Variants in SNTB1 observed in about 807,000 individuals in gnomAD.
SNTB1 encodes syntrophin beta 1, also known as beta-1-syntrophin.
Under a neutral mutation model 48.9 loss-of-function variants are expected in SNTB1, and 36 were observed. That is an observed-to-expected ratio of 0.74 (90% confidence interval 0.56 to 0.97). The LOEUF (loss-of-function observed/expected upper bound fraction) is 0.97. SNTB1 is among the 50% of genes least tolerant of loss of function. The pLI, the probability that SNTB1 is intolerant of heterozygous loss-of-function variation, is 0.00. For missense variants in SNTB1, 786 were observed against 703.4 expected (o/e 1.12, Z -1.33); for synonymous variants, 299 against 294.6 (o/e 1.01, Z -0.15).
intron 3 of SNTB1, among the ~76,000 whole-genome samples, chr8:120,620,007 C>T (rs1816768356): frequency 6.6e-6 from 1 of 152,128 alleles, no homozygotes; most frequent in Admixed American, 6.5e-5. Context: ...AGTTCTGAGC[C>T]ATTTGGTAAA....
At position 120,575,126 on chromosome 8, in the gene SNTB1, A is replaced by G. The variant is rs373881265; in HGVS notation, c.1096T>C (p.Trp366Arg). 1.3e-5 allele frequency: 21 copies of G among 1,614,076 alleles called. No homozygotes were observed. The highest frequency in any genetic ancestry group is 5.3e-5 in the African/African-American group (4 of 74,932). Reference sequence around the variant, plus strand: ...GGGTATGTGTGAACTGGGCTGAACCAGGCTTCCTTCCTCCGTGGCATGCTG... The same window carrying G: ...GGGTATGTGTGAACTGGGCTGAACCGGGCTTCCTTCCTCCGTGGCATGCTG... ...YDSMPRRKEA[W>R]FSPVHTYPLL... Residue 366 changes from tryptophan (W) to arginine (R), a missense_variant, in exon 4 of 7, where the codon TGG (tryptophan) becomes CGG (arginine). Transcript: ENST00000517992.
intron 1 of SNTB1, among the ~76,000 whole-genome samples, chr8:120,791,103 A>C (rs1403414021): frequency 6.6e-6 from 1 of 151,954 alleles, no homozygotes; most frequent in Non-Finnish European, 1.5e-5. Context: ...TGCTGGTATG[A>C]AAGTAGACAC....
intron 1 of SNTB1, among the ~76,000 whole-genome samples, chr8:120,718,083 A>C (rs896671949): frequency 5.3e-5 from 8 of 152,158 alleles, no homozygotes; most frequent in Admixed American, 2.0e-4. Flanking sequence ...GGCCAAGGGG[A>C]TAGGCCCAAT....
intron 3 of SNTB1, among the ~76,000 whole-genome samples, chr8:120,620,606 A>T (rs1275761039): frequency 6.6e-6 from 1 of 152,066 alleles, no homozygotes; most frequent in Non-Finnish European, 1.5e-5. Context: ...GTTTGAATTC[A>T]ACAGCTAATA....
intron 2 of SNTB1, among the ~76,000 whole-genome samples, chr8:120,658,839 A>C (rs1470668245): frequency 3.3e-5 from 5 of 152,152 alleles, no homozygotes; most frequent in Non-Finnish European, 7.3e-5. Context: ...TTTTCGCAAA[A>C]TATTTCTTTG....
chr8:120,584,664 C>T (rs1051363392), intron 3 of SNTB1, among the ~76,000 whole-genome samples: 17 of 152,076 alleles, frequency 1.1e-4, no homozygotes, highest in African/African-American at 3.9e-4. Context: ...AAACTGTGTT[C>T]CCCCAAATTC....
intron 2 of SNTB1, among the ~76,000 whole-genome samples, chr8:120,680,907 G>A (rs373264388): frequency 3.3e-5 from 5 of 151,770 alleles, no homozygotes; most frequent in African/African-American, 7.3e-5. Flanking sequence ...TACGGACATG[G>A]GCTAAAATGA....
At chr8:120,723,632 G>A (rs953311680) in intron 1 of SNTB1, among the ~76,000 whole-genome samples, 1 of 152,148 alleles carries the variant, frequency 6.6e-6, no homozygotes, top group Non-Finnish European at 1.5e-5. Context: ...TCACCAGTTA[G>A]GTGCACTGGT....
chr8:120,751,911 A>G (rs1021407100), intron 1 of SNTB1, among the ~76,000 whole-genome samples: 6 of 152,182 alleles, frequency 3.9e-5, no homozygotes, highest in Admixed American at 3.3e-4. Context: ...GGCTGAAAGC[A>G]GTTAATGGAA....
chr8:120,809,042 T>C (rs1249271282), intron 1 of SNTB1, among the ~76,000 whole-genome samples: 2 of 152,204 alleles, frequency 1.3e-5, no homozygotes, highest in African/African-American at 4.8e-5. Context: ...TACGAAGAAG[T>C]AGGTATGTCT....
chr8:120,607,419 A>T (rs915607842), intron 3 of SNTB1, among the ~76,000 whole-genome samples: 8 of 123,294 alleles, frequency 6.5e-5, no homozygotes, highest in Non-Finnish European at 1.2e-4. Flanking sequence ...TTTTTAAAAA[A>T]GTATACTTTA....
chr8:120,701,172 G>A (rs1818304088), intron 1 of SNTB1, among the ~76,000 whole-genome samples: 1 of 152,266 alleles, frequency 6.6e-6, no homozygotes, highest in South Asian at 2.1e-4. Flanking sequence ...TGCAGAGAGA[G>A]ATCATCAATA....
At chr8:120,594,173 C>T (rs888029732) in intron 3 of SNTB1, among the ~76,000 whole-genome samples, 1 of 151,958 alleles carries the variant, frequency 6.6e-6, no homozygotes, top group Admixed American at 6.6e-5. Context: ...AAGTGATCCT[C>T]CCCCCTCAGC....
chr8:120,554,706 G>A (rs1586991990), intron 4 of SNTB1, among the ~76,000 whole-genome samples: 2 of 152,058 alleles, frequency 1.3e-5, no homozygotes, highest in Admixed American at 1.3e-4. Flanking sequence ...CCTAATGCCC[G>A]CAGGCTATAG....
chr8:120,693,614 C>A, intron 2 of SNTB1, 78 bp downstream of exon 2: 1 of 1,200,728 alleles, frequency 8.3e-7, no homozygotes, highest in Non-Finnish European at 1.2e-6. Flanking sequence ...AACATGAGGG[C>A]AATCTCGTGA....
intron 1 of SNTB1, among the ~76,000 whole-genome samples, chr8:120,717,324 G>A (rs967348596): frequency 6.6e-6 from 1 of 152,122 alleles, no homozygotes; most frequent in African/African-American, 2.4e-5. Flanking sequence ...CCACTCAAAT[G>A]GGCCGCTGTA....
At chr8:120,720,271 T>C (rs1162747653) in intron 1 of SNTB1, among the ~76,000 whole-genome samples, 1 of 152,242 alleles carries the variant, frequency 6.6e-6, no homozygotes, top group African/African-American at 2.4e-5. Flanking sequence ...CCTTGGCCCC[T>C]GTCTGAAGGC....
intron 2 of SNTB1, among the ~76,000 whole-genome samples, chr8:120,649,262 G>T (rs544437274): frequency 5.1e-4 from 77 of 151,580 alleles, no homozygotes; most frequent in South Asian, 2.5e-3. Flanking sequence ...AGAGTTTCCA[G>T]TTTTCCTGTT....
At chr8:120,803,324 A>G (rs1248869727) in intron 1 of SNTB1, among the ~76,000 whole-genome samples, 2 of 152,048 alleles carry the variant, frequency 1.3e-5, no homozygotes, top group African/African-American at 4.8e-5. Context: ...CTGTTAGGGC[A>G]TTGATTTTGT....
Sources: gnomAD v4.1 joint callset for allele counts (sites outside exome capture counted in the v4.1 genomes callset) on GRCh38, gnomAD v4.1.1 for gene constraint, MANE v1.5 for transcripts, NCBI Gene and HGNC (gene_info 2026-07-23, HGNC 2026-07-21) for gene names.